Variants in CCDC30 observed in about 807,000 individuals in gnomAD.
CCDC30 encodes coiled-coil domain-containing protein 30.
In CCDC30, 70 loss-of-function variants were observed where a neutral mutation model predicts 100.2. That is an observed-to-expected ratio of 0.70 (90% CI 0.58 to 0.85). The LOEUF is 0.85. Among genes scored for constraint, CCDC30 ranks in the 40% least tolerant of loss-of-function variants. The pLI is 0.00. For synonymous variants in CCDC30, 233 were observed against 269.5 expected, an observed-to-expected ratio of 0.86 and a Z score of 1.33; for missense variants, 652 against 771.2, an observed-to-expected ratio of 0.85 and a Z score of 1.83.
intron 11 of CCDC30, among the ~76,000 whole-genome samples, chr1:42,616,374 T>C (rs576787791): frequency 6.6e-6 from 1 of 152,360 alleles, no homozygotes; most frequent in South Asian, 2.1e-4. Context: ...TGTGGATCAA[T>C]ACTTTTCTAA....
intron 15 of CCDC30, among the ~76,000 whole-genome samples, chr1:42,648,269 C>T (rs923455703): frequency 6.6e-6 from 1 of 152,048 alleles, no homozygotes; most frequent in Non-Finnish European, 1.5e-5. Context: ...CAACAAACAC[C>T]TATATCAAAA....
At chr1:42,592,544 T>C (rs1252461896) in intron 10 of CCDC30, 3 of 152,070 alleles carry the variant, frequency 2.0e-5, no homozygotes, top group Non-Finnish European at 4.4e-5. Flanking sequence ...GAAATCCATC[T>C]GTACAAAAAA....
At chr1:42,527,014 C>T (rs1305149807) in intron 6 of CCDC30, among the ~76,000 whole-genome samples, 2 of 152,256 alleles carry the variant, frequency 1.3e-5, no homozygotes, top group Admixed American at 6.5e-5. Context: ...TGATTTTAAA[C>T]ATGGATTTCC....
intron 10 of CCDC30, among the ~76,000 whole-genome samples, chr1:42,606,157 A>C (rs556670005): frequency 3.9e-4 from 59 of 152,364 alleles, no homozygotes; most frequent in African/African-American, 1.3e-3. Flanking sequence ...TTTGCAGTTG[A>C]GAGAAAGGTA....
intron 10 of CCDC30, among the ~76,000 whole-genome samples, chr1:42,603,177 A>G (rs1209559739): frequency 6.6e-6 from 1 of 152,172 alleles, no homozygotes; most frequent in African/African-American, 2.4e-5. Flanking sequence ...TTGGTGTCTG[A>G]TGATGTCTGC....
At chr1:42,606,621 A>C (rs569482697) in intron 10 of CCDC30, among the ~76,000 whole-genome samples, 1 of 152,126 alleles carries the variant, frequency 6.6e-6, no homozygotes, top group African/African-American at 2.4e-5. Context: ...CTGGCCAGTA[A>C]ATTTTGTGTT....
rs1569828985 is a variant in CCDC30 at position 42,501,328 on chromosome 1, T to TC, written c.456+2412_456+2413insC. 2.6e-5 allele frequency among the ~76,000 whole-genome samples: 4 copies of TC among 152,244 alleles called. No individual in the cohort carries two copies. In the East Asian group the frequency reaches 7.7e-4, roughly 29 times the overall value. On this transcript the variant is annotated intron_variant, in intron 6 of 16. Coordinates refer to ENST00000668663, the Ensembl canonical transcript of CCDC30. Reference sequence around the variant, plus strand: ...TTGGTGCCTTTATTAAAAACATTTATAAAGATCCACTTCTGGTCTCTGTAT... The same window carrying TC: ...TTGGTGCCTTTATTAAAAACATTTATCAAAGATCCACTTCTGGTCTCTGTAT...
At chr1:42,638,166 T>C (rs1049155808) in intron 12 of CCDC30, among the ~76,000 whole-genome samples, 1 of 152,182 alleles carries the variant, frequency 6.6e-6, no homozygotes, top group Non-Finnish European at 1.5e-5. Flanking sequence ...TGGAATATAA[T>C]AGGTGGGTCA....
chr1:42,589,589 G>A, intron 10 of CCDC30, 106 bp downstream of exon 14: 3 of 962,204 alleles, frequency 3.1e-6, no homozygotes, highest in Non-Finnish European at 4.8e-6. Flanking sequence ...TTTAGTCAGG[G>A]TTCAGTCAGG....
At chr1:42,613,350 G>A (rs1396652411) in intron 11 of CCDC30, among the ~76,000 whole-genome samples, 2 of 152,168 alleles carry the variant, frequency 1.3e-5, no homozygotes, top group Admixed American at 6.5e-5. Context: ...CGCCTCCCAG[G>A]TTCACGCCAT....
chr1:42,510,312 G>T (rs1644457053), intron 6 of CCDC30, among the ~76,000 whole-genome samples: 1 of 152,128 alleles, frequency 6.6e-6, no homozygotes, highest in Non-Finnish European at 1.5e-5. Flanking sequence ...CCTTGGTTAG[G>T]GTTTGGCTTA....
At chr1:42,542,185 G>A (rs1277323378) in intron 6 of CCDC30, among the ~76,000 whole-genome samples, 4 of 152,132 alleles carry the variant, frequency 2.6e-5, no homozygotes, top group Admixed American at 2.6e-4. Context: ...TGTCATGGAG[G>A]GTCTGATGGC....
intron 6 of CCDC30, among the ~76,000 whole-genome samples, chr1:42,556,715 G>A (rs74068455): frequency 2.6e-4 from 39 of 152,222 alleles, no homozygotes; most frequent in Admixed American, 2.3e-3. Context: ...CTGAATAGTA[G>A]CAAAATAGCA....
intron 6 of CCDC30, among the ~76,000 whole-genome samples, chr1:42,532,921 G>A (rs1005295983): frequency 1.3e-5 from 2 of 152,006 alleles, no homozygotes; most frequent in African/African-American, 2.4e-5. Flanking sequence ...GCCCGCCACC[G>A]CGCCCGGCTA....
At chr1:42,459,108 A>C (rs1250588209), upstream of CCDC30, 1 of 147,066 alleles carries the variant, frequency 6.8e-6, no homozygotes, top group Non-Finnish European at 1.5e-5. Context: ...CAGAATATGT[A>C]TGGAGCCTTG....
chr1:42,531,354 C>T (rs1221623247), intron 6 of CCDC30, among the ~76,000 whole-genome samples: 5 of 152,240 alleles, frequency 3.3e-5, no homozygotes, highest in African/African-American at 9.6e-5. Flanking sequence ...TACCCAGTCT[C>T]AGGTAGTTTT....
In CCDC30 at chr1:42,545,186, A is replaced by AAAAAAAAAT. The variant is rs760685126; in HGVS notation, c.457-21108_457-21107insAAAAAATAA. On this transcript the variant is annotated intron_variant, in intron 6 of 16. Coordinates refer to ENST00000668663, the Ensembl canonical transcript of CCDC30. ...TTAAAAAAAAAAAAAAAAAAAAAAA[A>AAAAAAAAAT]AAGGGAATTTACATACCCTTATGCC... Among the ~76,000 whole-genome samples, 1,214 of 125,958 alleles carry AAAAAAAAAT rather than the reference A, an allele frequency of 9.6e-3. 40 individuals are homozygous for AAAAAAAAAT. The highest frequency in any genetic ancestry group is 0.015 in the Non-Finnish European group (857 of 57,172). 82.6% of individuals were successfully genotyped at this position (125,958 alleles called of 152,430 possible). A position where few individuals can be genotyped will look rare whatever the true frequency, so the allele number is the denominator to read the frequency against.
chr1:42,587,048 A>G lies in CCDC30; in HGVS notation c.1002-2273A>G, dbSNP rs534401861. ...GGTCTCACTCTGTCACCCAGGCTGC[A>G]GTGCAGTAGTGCGATCACAGTTCAC... On this transcript the variant is annotated intron_variant, in intron 9 of 16. Transcript: ENST00000668663. Among the ~76,000 whole-genome samples, 19 of 152,236 alleles carry G rather than the reference A, an allele frequency of 1.2e-4. No individual in the cohort carries two copies. In the East Asian group the frequency reaches 3.7e-3, roughly 29 times the overall value.
At chr1:42,608,423 C>T (rs181912183) in intron 10 of CCDC30, among the ~76,000 whole-genome samples, 259 of 152,328 alleles carry the variant, frequency 1.7e-3, no homozygotes, top group African/African-American at 5.8e-3. Flanking sequence ...CAAGTCTGGC[C>T]GGGCACTGTG....
Sources: allele counts gnomAD v4.1 joint callset (sites outside exome capture counted in the v4.1 genomes callset), GRCh38; gene constraint gnomAD v4.1.1; transcripts MANE v1.5; gene names NCBI Gene and HGNC (gene_info 2026-07-23, HGNC 2026-07-21).